The following RRAS2 variants were observed in gnomAD, a reference collection of about 807,000 sequenced individuals.
The protein encoded by RRAS2 is RAS related 2.
A neutral mutation model predicts 27.6 loss-of-function variants in RRAS2; 7 were observed. The ratio of observed to expected loss-of-function variants is 0.25; its 90% CI spans 0.14 to 0.48. The LOEUF is 0.48. RRAS2 is among the 20% of genes least tolerant of loss of function. The pLI is 0.99. For missense variants in RRAS2, 178 were observed against 256.2 expected (o/e 0.69, Z 2.08); for synonymous variants, 86 against 90.9 (o/e 0.95, Z 0.31).
At chr11:14,295,900 A>C in intron 1 of RRAS2, 45 bp from the exon 2 acceptor site, 3 of 1,564,422 alleles carry the variant, frequency 1.9e-6, no homozygotes, top group Non-Finnish European at 1.7e-6. Context: ...ATGGCCAGGC[A>C]TGGTAGCTCA....
At chr11:14,343,827 C>A (rs1262121930) in intron 1 of RRAS2, among the ~76,000 whole-genome samples, 1 of 151,744 alleles carries the variant, frequency 6.6e-6, no homozygotes, top group Non-Finnish European at 1.5e-5. Flanking sequence ...GAGTGAGACC[C>A]TGTCTCAAAA....
chr11:14,348,906 T>C (rs1848891921), intron 1 of RRAS2, among the ~76,000 whole-genome samples: 1 of 152,242 alleles, frequency 6.6e-6, no homozygotes, highest in Non-Finnish European at 1.5e-5. Context: ...TGGAAAAAGA[T>C]GTACAGATGT....
chr11:14,297,926 A>C (rs1847597394), intron 1 of RRAS2, among the ~76,000 whole-genome samples: 1 of 151,904 alleles, frequency 6.6e-6, no homozygotes. Flanking sequence ...TTTAGTAGGA[A>C]GCCATCTCCT....
chr11:14,355,509 CTTTATGA>C (rs1409197457), intron 1 of RRAS2, among the ~76,000 whole-genome samples: 1 of 152,164 alleles, frequency 6.6e-6, no homozygotes, highest in Non-Finnish European at 1.5e-5. Flanking sequence ...ATCATGGCTA[CTTTATGA>C]TTTGTTATAT....
intron 4 of RRAS2, among the ~76,000 whole-genome samples, chr11:14,292,820 T>A (rs1373580265): frequency 6.6e-6 from 1 of 151,978 alleles, no homozygotes; most frequent in Non-Finnish European, 1.5e-5. Context: ...ATATATCATT[T>A]TCTTGGGCCA....
intron 1 of RRAS2, among the ~76,000 whole-genome samples, chr11:14,352,170 G>GA (rs1421648660): frequency 3.3e-5 from 5 of 151,984 alleles, no homozygotes; most frequent in South Asian, 2.1e-4. Flanking sequence ...CTTTCTCCCA[G>GA]AAAAAAGAAT....
chr11:14,330,612 C>T (rs1848464187), intron 1 of RRAS2, among the ~76,000 whole-genome samples: 1 of 151,794 alleles, frequency 6.6e-6, no homozygotes, highest in African/African-American at 2.4e-5. Context: ...TTTCAGATTC[C>T]CTGAAAAAGC....
chr11:14,344,707 A>G (rs559419723), intron 1 of RRAS2, among the ~76,000 whole-genome samples: 1 of 152,354 alleles, frequency 6.6e-6, no homozygotes, highest in East Asian at 1.9e-4. Flanking sequence ...CCTTACTCTC[A>G]GACTGTTGTA....
Position 14,291,310 on chromosome 11 carries a change from T to C in RRAS2, c.408+3161A>G, listed in dbSNP as rs190798696. Among the ~76,000 whole-genome samples, 522 of 152,282 alleles carry C rather than the reference T, an allele frequency of 3.4e-3. 4 individuals carry two copies. Among genetic ancestry groups the C allele is most frequent in the Non-Finnish European group, 5.7e-3 (391 of 68,018 alleles). ...ATTCCCAGTCAGCACTAAAGGCCCA[T>C]AAAGATTAGTGGTCATGACTTTAAA... is the stretch of plus-strand genomic sequence containing the variant. On this transcript the variant is annotated intron_variant, in intron 4 of 5. Coordinates refer to ENST00000256196, the MANE Select transcript of RRAS2 (RefSeq NM_012250.6).
In RRAS2 at chr11:14,334,146, A is replaced by G. The variant is rs192997568; in HGVS notation, c.108+24617T>C. Among the ~76,000 whole-genome samples, 537 of 152,346 alleles carry G rather than the reference A, an allele frequency of 3.5e-3. 4 individuals carry two copies. Among genetic ancestry groups the G allele is most frequent in the Non-Finnish European group, 3.3e-3 (225 of 68,038 alleles). ...TGGGTCGAAATTTATGAAATTTAAG[A>G]TTTAATTCAGCTTGTTGATTTCCAA... is the stretch of plus-strand genomic sequence containing the variant. On this transcript the variant is annotated intron_variant, in intron 1 of 5. Transcript: ENST00000256196.
chr11:14,302,730 C>A lies in RRAS2; in HGVS notation c.109-6875G>T, dbSNP rs546667928. On this transcript the variant is annotated intron_variant, in intron 1 of 5. Transcript: ENST00000256196. The stretch of plus-strand genomic sequence containing the variant: ...ACTGTTATGTAGCCTCCACTCTCCT[C>A]TTCCAGGACAGAAGCGCTGGCTGAA... Among the ~76,000 whole-genome samples, 10 of 152,306 alleles carry A rather than the reference C, an allele frequency of 6.6e-5. No individual in the cohort carries two copies. In the South Asian group the frequency reaches 2.1e-3, roughly 32 times the overall value.
chr11:14,346,162 T>C (rs1214578725), intron 1 of RRAS2, among the ~76,000 whole-genome samples: 1 of 152,184 alleles, frequency 6.6e-6, no homozygotes, highest in Non-Finnish European at 1.5e-5. Flanking sequence ...TCATCAAGGA[T>C]GGAGAAGACA....
chr11:14,360,852 C>T (rs1485367841), upstream of RRAS2, among the ~76,000 whole-genome samples: 4 of 149,362 alleles, frequency 2.7e-5, no homozygotes, highest in African/African-American at 5.0e-5. Flanking sequence ...GCCTGGGACG[C>T]GGAAGTGACA....
chr11:14,315,559 T>C (rs144659684), intron 1 of RRAS2, among the ~76,000 whole-genome samples: 44 of 152,334 alleles, frequency 2.9e-4, no homozygotes, highest in Non-Finnish European at 3.7e-4. Context: ...GTAAAAACTA[T>C]GGAAACCTGA....
At chr11:14,290,008 C>G (rs1849766568) in intron 4 of RRAS2, among the ~76,000 whole-genome samples, 3 of 152,206 alleles carry the variant, frequency 2.0e-5, no homozygotes, top group African/African-American at 7.2e-5. Flanking sequence ...TACTCAGAAC[C>G]TACAGATGAC....
intron 1 of RRAS2, among the ~76,000 whole-genome samples, chr11:14,321,531 G>C (rs1319840789): frequency 6.6e-6 from 1 of 152,200 alleles, no homozygotes; most frequent in South Asian, 2.1e-4. Context: ...GGAGTGGGGA[G>C]AGCAGGGAAG....
intron 1 of RRAS2, among the ~76,000 whole-genome samples, chr11:14,317,071 GGTAAGA>G (rs1469919274): frequency 6.6e-6 from 1 of 152,160 alleles, no homozygotes; most frequent in Non-Finnish European, 1.5e-5. Flanking sequence ...GTTTCTGTGT[GGTAAGA>G]GTAAATTTAG....
chr11:14,301,077 A>G (rs1457107578), intron 1 of RRAS2, among the ~76,000 whole-genome samples: 4 of 152,314 alleles, frequency 2.6e-5, no homozygotes, highest in African/African-American at 7.2e-5. Flanking sequence ...GCACAGCATC[A>G]TTCTCAGGAA....
intron 4 of RRAS2, among the ~76,000 whole-genome samples, chr11:14,285,928 A>G (rs1849650638): frequency 1.3e-5 from 2 of 151,724 alleles, no homozygotes; most frequent in South Asian, 2.1e-4. Context: ...AATTTTCTTC[A>G]TATTTCTTGT....
Sources: gnomAD v4.1 joint callset for allele counts (sites outside exome capture counted in the v4.1 genomes callset) on GRCh38, gnomAD v4.1.1 for gene constraint, MANE v1.5 for transcripts, NCBI Gene and HGNC (gene_info 2026-07-23, HGNC 2026-07-21) for gene names.